Variants in SMIM45 observed in about 807,000 individuals in gnomAD.
SMIM45 encodes small integral membrane protein 45.
the SMIM45 span, among the ~76,000 whole-genome samples, chr22:41,956,567 G>C: frequency 6.6e-6 from 1 of 152,230 alleles, no homozygotes; most frequent in Non-Finnish European, 1.5e-5. Context: ...GCTGCAGTCA[G>C]GGCTGGGCCC....
At chr22:41,949,736 AG>A in the SMIM45 span, among the ~76,000 whole-genome samples, 2 of 152,196 alleles carry the variant, frequency 1.3e-5, no homozygotes, top group Non-Finnish European at 2.9e-5. Context: ...AAGGCACTGC[AG>A]TTGGGGAGGC....
the SMIM45 span, among the ~76,000 whole-genome samples, chr22:41,951,124 C>T: frequency 2.0e-5 from 3 of 152,272 alleles, no homozygotes; most frequent in African/African-American, 4.8e-5. Context: ...CCTGAAGCCA[C>T]CTCACCCAGA....
At chr22:41,958,226 G>A in the SMIM45 span, 1 of 446,714 alleles carries the variant, frequency 2.2e-6, no homozygotes, top group Non-Finnish European at 4.5e-6. Flanking sequence ...CATGTCTATG[G>A]CTGCCTGTCC....
the SMIM45 span, chr22:41,952,372 G>C: frequency 6.6e-6 from 1 of 152,362 alleles, no homozygotes; most frequent in African/African-American, 2.4e-5. Flanking sequence ...TCAGGCTGAG[G>C]CGGTGTGCTC....
chr22:41,956,415 G>C, the SMIM45 span, among the ~76,000 whole-genome samples: 1 of 152,206 alleles, frequency 6.6e-6, no homozygotes, highest in South Asian at 2.1e-4. Context: ...GGCTTGTGTA[G>C]ACTCCATTGA....
the SMIM45 span, chr22:41,958,482 A>AGGAGAG: frequency 3.3e-6 from 1 of 304,690 alleles, no homozygotes; most frequent in South Asian, 2.0e-5. Flanking sequence ...AGGGTTGGTG[A>AGGAGAG]GGAGAGAGAG....
the SMIM45 span, among the ~76,000 whole-genome samples, chr22:41,948,192 C>A: frequency 6.6e-6 from 1 of 152,152 alleles, no homozygotes; most frequent in African/African-American, 2.4e-5. Flanking sequence ...GAGACTTTGT[C>A]ACTTTGTATG....
At chr22:41,958,482 A>AGG in the SMIM45 span, 2 of 304,690 alleles carry the variant, frequency 6.6e-6, no homozygotes, top group South Asian at 2.0e-5. Context: ...AGGGTTGGTG[A>AGG]GGAGAGAGAG....
chr22:41,949,881 A>G, the SMIM45 span, among the ~76,000 whole-genome samples: 6 of 152,048 alleles, frequency 3.9e-5, 1 homozygote, highest in Non-Finnish European at 1.5e-5. Flanking sequence ...TCCATACATG[A>G]TGAAGGGTAG....
At chr22:41,948,778 G>A in the SMIM45 span, among the ~76,000 whole-genome samples, 15 of 152,122 alleles carry the variant, frequency 9.9e-5, no homozygotes, top group South Asian at 1.7e-3. Context: ...AATTAGCTGA[G>A]CAGGGTGGGC....
chr22:41,956,822 T>A, the SMIM45 span, among the ~76,000 whole-genome samples: 3 of 152,168 alleles, frequency 2.0e-5, no homozygotes, highest in African/African-American at 7.2e-5. Context: ...GTTAAGTCGC[T>A]CTGTTGCCCA....
At chr22:41,955,754 C>T in the SMIM45 span, among the ~76,000 whole-genome samples, 1 of 145,846 alleles carries the variant, frequency 6.9e-6, no homozygotes, top group African/African-American at 2.6e-5. Context: ...TGCAGTGAGC[C>T]GAGATGGCGC....
the SMIM45 span, chr22:41,947,179 T>C: frequency 4.6e-6 from 5 of 1,088,284 alleles, no homozygotes; most frequent in Middle Eastern, 4.0e-4. Flanking sequence ...TGCCTCCTTA[T>C]AGGCGGGGCT....
chr22:41,950,190 T>C, the SMIM45 span, among the ~76,000 whole-genome samples: 1 of 151,584 alleles, frequency 6.6e-6, no homozygotes, highest in Non-Finnish European at 1.5e-5. Context: ...CGACAGGCCA[T>C]GGATCACATA....
the SMIM45 span, chr22:41,957,821 C>A: frequency 1.3e-5 from 2 of 155,156 alleles, no homozygotes; most frequent in African/African-American, 4.8e-5. Context: ...GCAGCGCCCC[C>A]TGGTGGACCG....
At chr22:41,950,261 A>G in the SMIM45 span, among the ~76,000 whole-genome samples, 7 of 152,242 alleles carry the variant, frequency 4.6e-5, no homozygotes, top group Non-Finnish European at 8.8e-5. Context: ...TTTCAAGGGT[A>G]CAATTTGATA....
the SMIM45 span, among the ~76,000 whole-genome samples, chr22:41,954,848 A>C: frequency 6.6e-6 from 1 of 152,110 alleles, no homozygotes; most frequent in African/African-American, 2.4e-5. Context: ...TCTACTAAAA[A>C]ATACAAAAAC....
chr22:41,954,554 A>G, the SMIM45 span, among the ~76,000 whole-genome samples: 1 of 152,214 alleles, frequency 6.6e-6, no homozygotes, highest in African/African-American at 2.4e-5. Flanking sequence ...AGTGAACAAG[A>G]ATGCATATGC....
At chr22:41,953,126 T>G in the SMIM45 span, among the ~76,000 whole-genome samples, 1 of 152,174 alleles carries the variant, frequency 6.6e-6, no homozygotes, top group African/African-American at 2.4e-5. Flanking sequence ...ATAGGGCACT[T>G]TAATACAATG....
Sources: gnomAD v4.1 joint callset for allele counts (sites outside exome capture counted in the v4.1 genomes callset) on GRCh38, gnomAD v4.1.1 for gene constraint, MANE v1.5 for transcripts, NCBI Gene and HGNC (gene_info 2026-07-23, HGNC 2026-07-21) for gene names.